Variants in LRRTM4 observed in about 807,000 individuals in gnomAD.
The protein encoded by LRRTM4 is leucine rich repeat transmembrane neuronal 4.
In LRRTM4, 25 loss-of-function variants were observed where a neutral mutation model predicts 47.6. The observed-to-expected ratio is 0.53, with a 90% CI of 0.38 to 0.73. LRRTM4 has a LOEUF of 0.73. Among genes scored for constraint, LRRTM4 ranks in the 30% least tolerant of loss-of-function variants. The probability of loss-of-function intolerance (pLI) is 0.00; values close to 1 mark genes in which losing one functional copy is unlikely to be tolerated. For synonymous variants in LRRTM4, 311 were observed against 269.5 expected (o/e 1.15, Z -1.51); for missense variants, 638 against 713.4 (o/e 0.89, Z 1.20).
At chr2:77,091,309 C>T (rs1447979749) in intron 3 of LRRTM4, among the ~76,000 whole-genome samples, 3 of 145,412 alleles carry the variant, frequency 2.1e-5, no homozygotes, top group African/African-American at 5.5e-5. Flanking sequence ...CGATCATGCA[C>T]CCCTTACCAT....
chr2:76,832,945 GAGA>G (rs1417796435), intron 3 of LRRTM4, among the ~76,000 whole-genome samples: 9 of 152,050 alleles, frequency 5.9e-5, no homozygotes, highest in Non-Finnish European at 1.2e-4. Flanking sequence ...TGTCCATGTT[GAGA>G]AGGAGAGTAT....
intron 3 of LRRTM4, among the ~76,000 whole-genome samples, chr2:76,821,568 A>C (rs1034351305): frequency 1.8e-4 from 27 of 151,802 alleles, no homozygotes; most frequent in Non-Finnish European, 3.4e-4. Flanking sequence ...CACCAAATTC[A>C]TTTCAAGGAA....
At chr2:77,247,830 CA>C (rs1436743077) in intron 3 of LRRTM4, among the ~76,000 whole-genome samples, 1 of 151,750 alleles carries the variant, frequency 6.6e-6, no homozygotes, top group East Asian at 1.9e-4. Flanking sequence ...TAGTATTTTG[CA>C]ATTGCACTTT....
intron 3 of LRRTM4, among the ~76,000 whole-genome samples, chr2:77,075,241 T>C (rs1259615504): frequency 6.6e-6 from 1 of 152,218 alleles, no homozygotes; most frequent in Non-Finnish European, 1.5e-5. Flanking sequence ...GAAGGAACAG[T>C]TTTGTTTTTA....
intron 3 of LRRTM4, among the ~76,000 whole-genome samples, chr2:77,022,821 T>TCTGTGGCTTTTCA (rs1351417930): frequency 2.0e-5 from 3 of 152,126 alleles, no homozygotes; most frequent in African/African-American, 7.2e-5. Flanking sequence ...GCATTGAGTG[T>TCTGTGGCTTTTCA]CTGTGGCTTT....
chr2:76,781,994 A>G (rs1674421176), intron 3 of LRRTM4, among the ~76,000 whole-genome samples: 1 of 152,062 alleles, frequency 6.6e-6, no homozygotes, highest in Non-Finnish European at 1.5e-5. Flanking sequence ...TTGTCAAACC[A>G]TCCTTTGCTG....
intron 3 of LRRTM4, among the ~76,000 whole-genome samples, chr2:76,923,437 C>G (rs1324922849): frequency 1.3e-5 from 2 of 151,832 alleles, no homozygotes; most frequent in Non-Finnish European, 2.9e-5. Context: ...GTAATAAATA[C>G]TCAAAACTGA....
At chr2:77,506,362 G>A (rs1378975758) in intron 3 of LRRTM4, among the ~76,000 whole-genome samples, 1 of 151,552 alleles carries the variant, frequency 6.6e-6, no homozygotes, top group African/African-American at 2.4e-5. Context: ...AGTATACACA[G>A]GATGAGAAAG....
At chr2:76,839,156 A>G (rs191766079) in intron 3 of LRRTM4, among the ~76,000 whole-genome samples, 18 of 152,244 alleles carry the variant, frequency 1.2e-4, no homozygotes, top group Admixed American at 1.2e-3. Flanking sequence ...GAGACAAATT[A>G]AGGGACAACG....
At chr2:76,823,914 T>G (rs1403621395) in intron 3 of LRRTM4, among the ~76,000 whole-genome samples, 1 of 151,548 alleles carries the variant, frequency 6.6e-6, no homozygotes, top group African/African-American at 2.4e-5. Context: ...ATGATGCATG[T>G]CTTGTTGTTT....
intron 3 of LRRTM4, among the ~76,000 whole-genome samples, chr2:77,064,206 T>G (rs1679881681): frequency 6.6e-6 from 1 of 152,194 alleles, no homozygotes; most frequent in African/African-American, 2.4e-5. Flanking sequence ...ATTCTAATTT[T>G]ATCCAATAAG....
chr2:77,280,136 CA>C (rs1483505740), intron 3 of LRRTM4, among the ~76,000 whole-genome samples: 2 of 152,002 alleles, frequency 1.3e-5, no homozygotes, highest in East Asian at 3.9e-4. Context: ...GAACAGAAGT[CA>C]GGGGAAAATG....
intron 3 of LRRTM4, among the ~76,000 whole-genome samples, chr2:77,470,031 G>A (rs1044028070): frequency 6.6e-6 from 1 of 152,058 alleles, no homozygotes; most frequent in African/African-American, 2.4e-5. Context: ...GGCATGGTTG[G>A]GTCAGAGAGG....
intron 3 of LRRTM4, among the ~76,000 whole-genome samples, chr2:77,070,851 G>A (rs573829001): frequency 7.9e-5 from 12 of 152,060 alleles, no homozygotes; most frequent in Admixed American, 4.6e-4. Context: ...GGCTGGTCTC[G>A]AACTCCTGAC....
rs895737296 is a variant in LRRTM4 at position 77,287,147 on chromosome 2, T to G, written c.1551+231171A>C. Among the ~76,000 whole-genome samples the G allele has an allele frequency of 2.1e-3, 320 of 152,008 alleles. 5 individuals are homozygous for G. Among genetic ancestry groups the G allele is most frequent in the Non-Finnish European group, 3.8e-4 (26 of 67,986 alleles). On this transcript the variant is annotated intron_variant, in intron 3 of 3. Transcript: ENST00000409884. Reference sequence around the variant, plus strand: ...AATGTGGGTTACACAACGCAGCATCTCTGCATAGGTAAGCCCGTGTAGGTT... The same window carrying G: ...AATGTGGGTTACACAACGCAGCATCGCTGCATAGGTAAGCCCGTGTAGGTT...
intron 3 of LRRTM4, among the ~76,000 whole-genome samples, chr2:77,121,377 CCAAA>C (rs1403196051): frequency 3.3e-5 from 5 of 151,762 alleles, no homozygotes; most frequent in East Asian, 1.9e-4. Context: ...TTACCTCTTC[CCAAA>C]CAAAGGATAA....
At chr2:76,890,868 T>A (rs1314454430) in intron 3 of LRRTM4, among the ~76,000 whole-genome samples, 1 of 151,714 alleles carries the variant, frequency 6.6e-6, no homozygotes, top group Non-Finnish European at 1.5e-5. Flanking sequence ...TAGACAGAGA[T>A]GGTTTAGGAA....
intron 3 of LRRTM4, among the ~76,000 whole-genome samples, chr2:77,213,995 C>T (rs747279753): frequency 6.6e-6 from 1 of 151,902 alleles, no homozygotes; most frequent in South Asian, 2.1e-4. Flanking sequence ...TATCCTGAGC[C>T]CTAGAAGAAA....
chr2:76,930,433 T>G (rs1485119944), intron 3 of LRRTM4, among the ~76,000 whole-genome samples: 1 of 152,328 alleles, frequency 6.6e-6, no homozygotes, highest in East Asian at 1.9e-4. Context: ...TTTATTATTT[T>G]CTTCCTTTTT....
Sources: allele counts gnomAD v4.1 joint callset (sites outside exome capture counted in the v4.1 genomes callset), GRCh38; gene constraint gnomAD v4.1.1; transcripts MANE v1.5; gene names NCBI Gene and HGNC (gene_info 2026-07-23, HGNC 2026-07-21).